Variants in SHBG observed in about 807,000 individuals in gnomAD.
The protein encoded by SHBG is sex hormone binding globulin.
SHBG carries 37 observed loss-of-function variants against 41.9 expected under a neutral mutation model. The observed-to-expected ratio is 0.88, with a 90% CI of 0.68 to 1.16. The LOEUF is 1.16. SHBG is among the 50% of genes most tolerant of loss of function. SHBG has a pLI of 0.00. For missense variants in SHBG, 466 were observed against 499.9 expected, an observed-to-expected ratio of 0.93 and a Z score of 0.65; for synonymous variants, 217 against 205.8, an observed-to-expected ratio of 1.05 and a Z score of -0.47.
chr17:7,626,844 G>A (rs1324692859), upstream of SHBG: 7 of 1,609,450 alleles, frequency 4.3e-6, no homozygotes, highest in Non-Finnish European at 6.0e-6. Flanking sequence ...AGCTGAAGGG[G>A]ATCAGAAAAT....
At chr17:7,616,123 A>G (rs981802095) in intron 1 of SHBG, among the ~76,000 whole-genome samples, 21 of 151,368 alleles carry the variant, frequency 1.4e-4, no homozygotes, top group African/African-American at 4.9e-4. Flanking sequence ...TCTGGCCAAC[A>G]TGGTGAAACC....
chr17:7,627,274 G>C (rs1374569714), upstream of SHBG: 1 of 1,612,112 alleles, frequency 6.2e-7, no homozygotes, highest in African/African-American at 1.3e-5. This position sits in a 1 kb window ranked among gnomAD's most constrained non-coding sequence, Gnocchi z 4.8. Context: ...GAGGACGTGG[G>C]TGTATGCCCA....
intron 6 of SHBG, 68 bp downstream of exon 6, chr17:7,632,083 C>G (rs2072437028): frequency 1.3e-6 from 2 of 1,504,700 alleles, no homozygotes. Context: ...AGAGGGGAGT[C>G]CAACATGTCA....
chr17:7,618,016 T>G (rs2072023645), intron 1 of SHBG, among the ~76,000 whole-genome samples: 1 of 152,024 alleles, frequency 6.6e-6, no homozygotes, highest in African/African-American at 2.4e-5. Context: ...GTCAGGAGTT[T>G]GAGACCAGCC....
At chr17:7,631,536 G>T in intron 4 of SHBG, 53 bp from the exon 5 acceptor site, 1 of 1,605,648 alleles carries the variant, frequency 6.2e-7, no homozygotes. Context: ...CGGGACTGCG[G>T]CTCCGATGCC....
At chr17:7,628,768 G>A (rs886813438), upstream of SHBG, among the ~76,000 whole-genome samples, 1 of 151,988 alleles carries the variant, frequency 6.6e-6, no homozygotes, top group Admixed American at 6.6e-5. Context: ...TTTAAAATGG[G>A]TCATGGGGTG....
Position 7,631,226 on chromosome 17 carries a change from TGTGCTGCTGGAGGTGGATGGGGAGGAG to T in SHBG, c.428_454del (p.Leu143_Leu151del). 1 of 1,588,704 alleles carries T rather than the reference TGTGCTGCTGGAGGTGGATGGGGAGGAG, an allele frequency of 6.3e-7. No individual in the cohort carries two copies. The highest frequency in any genetic ancestry group is 1.3e-5 in the African/African-American group (1 of 74,254). On this transcript the variant is annotated inframe_deletion, in exon 4 of 8. Coordinates refer to ENST00000380450, the MANE Select transcript of SHBG (RefSeq NM_001040.5). ...TGGAAGTCAAGATGGAGGGGGACTC[TGTGCTGCTGGAGGTGGATGGGGAGGAG>T]GTGCTGCGCCTGAGACAGGTCTCTG... is the stretch of plus-strand genomic sequence containing the variant.
upstream of SHBG, among the ~76,000 whole-genome samples, chr17:7,629,375 CTAAAA>C (rs58676803): frequency 0.075 from 11,027 of 146,288 alleles, 762 homozygotes; most frequent in East Asian, 0.24. Flanking sequence ...AAGACTCTGT[CTAAAA>C]TAAAATAAAA....
chr17:7,615,171 C>T (rs1202680247), intron 1 of SHBG, among the ~76,000 whole-genome samples: 2 of 152,188 alleles, frequency 1.3e-5, no homozygotes, highest in African/African-American at 4.8e-5. Flanking sequence ...AGGGGCCGGG[C>T]TCGCTCAGTC....
Position 7,630,968 on chromosome 17 carries a change from C to A in SHBG, c.393+99C>A. Reference sequence around the variant, plus strand: ...GGGCATCCCTCTACCACTGTCATCTCGTTTAATCCACACGAACCCCCACAA... The same window carrying A: ...GGGCATCCCTCTACCACTGTCATCTAGTTTAATCCACACGAACCCCCACAA... On this transcript the variant is annotated intron_variant, in intron 3 of 7. Transcript: ENST00000380450. This position sits in a 1 kb window ranked among gnomAD's most constrained non-coding sequence, Gnocchi z 4.6. The A allele has an allele frequency of 8.7e-7, 1 of 1,150,394 alleles. No homozygotes were observed. The highest frequency in any genetic ancestry group is 1.3e-6 in the Non-Finnish European group (1 of 785,216). 71.3% of individuals were successfully genotyped at this position (1,150,394 alleles called of 1,614,324 possible).
At chr17:7,623,252 G>A (rs1053810237), upstream of SHBG, among the ~76,000 whole-genome samples, 11 of 152,208 alleles carry the variant, frequency 7.2e-5, no homozygotes, top group African/African-American at 2.2e-4. Context: ...TTAGCCAGGC[G>A]TAGTGGCGCA....
At chr17:7,620,381 A>C (rs1318175483) in intron 1 of SHBG, among the ~76,000 whole-genome samples, 1 of 152,166 alleles carries the variant, frequency 6.6e-6, no homozygotes, top group Non-Finnish European at 1.5e-5. Flanking sequence ...CAGTGGCACG[A>C]TGTTGGCTCA....
In SHBG at chr17:7,631,573, C is replaced by T; in HGVS notation, c.556-16C>T. On this transcript the variant is annotated splice_polypyrimidine_tract_variant and intron_variant, in intron 4 of 7. Coordinates refer to ENST00000380450, the MANE Select transcript of SHBG (RefSeq NM_001040.5). ...TGATTTCTACATCCCCGTATCTTAT[C>T]TCTGTCACACTCCAGCTGGTTCCTG... 6.2e-7 allele frequency: 1 copy of T among 1,613,990 alleles called. No individual in the cohort carries two copies. Among genetic ancestry groups the T allele is most frequent in the Non-Finnish European group, 8.5e-7 (1 of 1,179,978 alleles).
chr17:7,631,104 G>GGCAT (rs1377710573), intron 3 of SHBG, 96 bp from the exon 4 acceptor site: 1 of 1,282,238 alleles, frequency 7.8e-7, no homozygotes, highest in Non-Finnish European at 1.1e-6. Flanking sequence ...GCTTCTTTAA[G>GGCAT]GCATGTTCTT....
chr17:7,625,916 A>G (rs1230035700), upstream of SHBG, among the ~76,000 whole-genome samples: 6 of 148,868 alleles, frequency 4.0e-5, no homozygotes, highest in African/African-American at 1.5e-4. Flanking sequence ...AAAAAAAAAG[A>G]CTTTGGACTG....
chr17:7,627,651 C>A (rs1323380609), upstream of SHBG: 10 of 1,614,048 alleles, frequency 6.2e-6, no homozygotes, highest in African/African-American at 1.3e-5. This position sits in a 1 kb window ranked among gnomAD's most constrained non-coding sequence, Gnocchi z 4.8. Flanking sequence ...TCCCCGCTGT[C>A]TGGGACCAAA....
chr17:7,620,148 A>G (rs2072064854), intron 1 of SHBG, among the ~76,000 whole-genome samples: 1 of 151,898 alleles, frequency 6.6e-6, no homozygotes, highest in South Asian at 2.1e-4. Flanking sequence ...GAAAAAATTG[A>G]AAAAGAAAAA....
upstream of SHBG, among the ~76,000 whole-genome samples, chr17:7,628,948 C>T (rs866546681): frequency 6.6e-6 from 1 of 151,900 alleles, no homozygotes; most frequent in Non-Finnish European, 1.5e-5. Flanking sequence ...CCCAGCTACT[C>T]GGGAGGCTGA....
chr17:7,615,415 C>G (rs1334805336), intron 1 of SHBG, among the ~76,000 whole-genome samples: 2 of 152,220 alleles, frequency 1.3e-5, no homozygotes, highest in East Asian at 3.8e-4. Context: ...TTACCCTCTT[C>G]GCGTATGCAT....
Sources: gnomAD v4.1 joint callset for allele counts (sites outside exome capture counted in the v4.1 genomes callset) on GRCh38, gnomAD v4.1.1 for gene constraint, Gnocchi (gnomAD v3.1) non-coding constraint, MANE v1.5 for transcripts, NCBI Gene and HGNC (gene_info 2026-07-23, HGNC 2026-07-21) for gene names.